MIER1: variants seen among roughly 807,000 people sequenced by gnomAD.
The protein encoded by MIER1 is MIER1 transcriptional regulator.
MIER1 carries 40 observed loss-of-function variants against 75.7 expected under a neutral mutation model. The ratio of observed to expected loss-of-function variants is 0.53; its 90% CI spans 0.41 to 0.69. The LOEUF is 0.69. Among genes scored for constraint, MIER1 ranks in the 30% least tolerant of loss-of-function variants. The pLI, the probability that MIER1 is intolerant of heterozygous loss-of-function variation, is 0.00. For missense variants in MIER1, 574 were observed against 680.2 expected (o/e 0.84, Z 1.74); for synonymous variants, 213 against 223.4 (o/e 0.95, Z 0.42).
intron 2 of MIER1, among the ~76,000 whole-genome samples, chr1:66,935,942 T>C (rs1654708844): frequency 7.2e-6 from 1 of 138,660 alleles, no homozygotes; most frequent in African/African-American, 2.6e-5. Flanking sequence ...ATGCATGGAC[T>C]TTAAATGTTT....
chr1:66,928,842 A>C, intron 2 of MIER1: 1 of 1,272,856 alleles, frequency 7.9e-7, no homozygotes, highest in South Asian at 1.3e-5. Context: ...AGATTTGGGA[A>C]CCTTAAAGTT....
intron 3 of MIER1, among the ~76,000 whole-genome samples, chr1:66,945,333 G>T (rs1281618146): frequency 2.2e-5 from 3 of 138,740 alleles, no homozygotes; most frequent in East Asian, 2.2e-4. Flanking sequence ...CCTAATATAG[G>T]TAAATGCTAT....
intron 5 of MIER1, 118 bp from the exon 6 acceptor site, chr1:66,958,733 C>T: frequency 2.8e-6 from 2 of 719,254 alleles, no homozygotes; most frequent in East Asian, 2.7e-5. Context: ...GATGATACTA[C>T]ATCTAGTATA....
chr1:66,967,321 T>C (rs1662629348), intron 8 of MIER1, among the ~76,000 whole-genome samples: 1 of 152,198 alleles, frequency 6.6e-6, no homozygotes. Context: ...TGTAGGTATG[T>C]GACTTGTTTC....
chr1:66,957,931 A>G lies in MIER1; in HGVS notation c.340-128A>G, dbSNP rs969202778. 6.3e-6 allele frequency: 3 copies of G among 475,556 alleles called. No homozygotes were observed. The Admixed American group carries it at 1.2e-4, about 19-fold the overall frequency. 29.5% of individuals were successfully genotyped at this position (475,556 alleles called of 1,614,324 possible). A position where few individuals can be genotyped will look rare whatever the true frequency, so the allele number is the denominator to read the frequency against. On this transcript the variant is annotated intron_variant, in intron 4 of 13. Coordinates refer to ENST00000401041, the MANE Select transcript of MIER1 (RefSeq NM_001077700.3). ...AATATTTTCAGTTTTACTTTTTATGATCCGAGAATTCGTAACACAGCTTTT... is the reference window on the plus strand; with the variant it reads ...AATATTTTCAGTTTTACTTTTTATGGTCCGAGAATTCGTAACACAGCTTTT...
At chr1:66,926,957 G>A (rs187242766) in intron 2 of MIER1, among the ~76,000 whole-genome samples, 2 of 152,202 alleles carry the variant, frequency 1.3e-5, no homozygotes, top group African/African-American at 2.4e-5. Flanking sequence ...TGAATCAGGT[G>A]TTGGTACTGA....
intron 4 of MIER1, among the ~76,000 whole-genome samples, chr1:66,955,212 A>G (rs971943190): frequency 6.6e-6 from 1 of 152,138 alleles, no homozygotes; most frequent in African/African-American, 2.4e-5. Context: ...AAGCTTTATT[A>G]AAGTTAATGT....
chr1:66,985,814 A>ATTTTTT lies in MIER1; in HGVS notation c.*932_*937dup. 6.4e-6 allele frequency: 4 copies of ATTTTTT among 629,864 alleles called. No individual in the cohort carries two copies. Among genetic ancestry groups the ATTTTTT allele is most frequent in the Non-Finnish European group, 7.7e-6 (4 of 517,358 alleles). The allele number at this position is 629,864 out of a possible 1,614,324, so 39.0% of individuals were successfully genotyped here. A position where few individuals can be genotyped will look rare whatever the true frequency, so the allele number is the denominator to read the frequency against. On this transcript the variant is annotated 3_prime_UTR_variant, in exon 14 of 14. Coordinates refer to ENST00000401041, the MANE Select transcript of MIER1 (RefSeq NM_001077700.3). ...TAAAGCATTCATAAAGGATTATAAA[A>ATTTTTT]TTTTTTTTTTTTTTTTTTTTTTTAA...
At chr1:66,984,549 C>T in intron 13 of MIER1, 23 bp from the exon 14 acceptor site, 2 of 1,515,710 alleles carry the variant, frequency 1.3e-6, no homozygotes, top group Non-Finnish European at 1.8e-6. Flanking sequence ...ATTGTGGTTT[C>T]ATTTATATTT....
chr1:66,963,124 C>A lies in MIER1; in HGVS notation c.736C>A (p.Pro246Thr). 6.2e-7 allele frequency: 1 copy of A among 1,611,912 alleles called. No individual in the cohort carries two copies. Among genetic ancestry groups the A allele is most frequent in the South Asian group, 1.1e-5 (1 of 90,952 alleles). ...MVGSMFQAEI[P>T]VGICRYKENE... ...GGGCTCCATGTTTCAAGCAGAAATTCCAGTTGGCATTTGTAGATACAAAGA... is the reference window on the plus strand; with the variant it reads ...GGGCTCCATGTTTCAAGCAGAAATTACAGTTGGCATTTGTAGATACAAAGA... Residue 246 changes from proline to threonine, a missense_variant, in exon 8 of 14, where the codon CCA becomes ACA. Transcript: ENST00000401041.
chr1:66,926,350 G>A, intron 2 of MIER1, 108 bp downstream of exon 2: 2 of 786,360 alleles, frequency 2.5e-6, no homozygotes, highest in Non-Finnish European at 4.1e-6. Context: ...AGAACTGATG[G>A]GCCAAAAATT....
At chr1:66,942,328 A>G (rs1403531016) in intron 3 of MIER1, among the ~76,000 whole-genome samples, 2 of 152,236 alleles carry the variant, frequency 1.3e-5, no homozygotes, top group Non-Finnish European at 2.9e-5. Flanking sequence ...AGTGTAAGAC[A>G]AAGTAGAGGC....
chr1:66,928,992 C>G (rs773504975), intron 2 of MIER1: 1 of 1,358,712 alleles, frequency 7.4e-7, no homozygotes, highest in Non-Finnish European at 1.0e-6. Flanking sequence ...GCAGCTACTT[C>G]ATATATCTGT....
At chr1:66,933,981 T>C (rs1046072204) in intron 2 of MIER1, among the ~76,000 whole-genome samples, 4 of 152,210 alleles carry the variant, frequency 2.6e-5, no homozygotes, top group African/African-American at 9.6e-5. Flanking sequence ...TCAAAATTCA[T>C]TGCAGTGATT....
In MIER1 at chr1:66,936,286, T is replaced by C. The variant is rs561350591; in HGVS notation, c.169-3742T>C. Among the ~76,000 whole-genome samples, 62 of 151,706 alleles carry C rather than the reference T, an allele frequency of 4.1e-4. 1 individual carries two copies. In the South Asian group the frequency reaches 0.012, roughly 29 times the overall value. ...TGCCCAGGCTGGAGTGCGGTGGCGC[T>C]TTCTGGGCTCACTGCAACCTCCGCC... On this transcript the variant is annotated intron_variant, in intron 2 of 13. Transcript: ENST00000401041.
At chr1:66,959,399 T>C (rs1660791276) in intron 6 of MIER1, among the ~76,000 whole-genome samples, 1 of 152,182 alleles carries the variant, frequency 6.6e-6, no homozygotes. Context: ...TCATGAAATA[T>C]GTAGTAAGAT....
intron 4 of MIER1, among the ~76,000 whole-genome samples, chr1:66,955,336 GTTTTTTTTT>G (rs34006160): frequency 1.3e-3 from 80 of 59,968 alleles, no homozygotes; most frequent in African/African-American, 4.2e-3. Context: ...CATCACCTGA[GTTTTTTTTT>G]TTTTTTTTTT....
chr1:66,977,989 G>A (rs999792714), intron 12 of MIER1, among the ~76,000 whole-genome samples: 3 of 151,958 alleles, frequency 2.0e-5, no homozygotes, highest in Admixed American at 1.3e-4. Flanking sequence ...ACAAGGTCAG[G>A]AGTTTGAGAC....
Position 66,986,370 on chromosome 1 carries a change from A to C in MIER1, c.*1470A>C. ...GACCAACCTATATCCAAACTTTTATAAAATATTAATTATTCTTGTTTTTCT... is the reference window on the plus strand; with the variant it reads ...GACCAACCTATATCCAAACTTTTATCAAATATTAATTATTCTTGTTTTTCT... On this transcript the variant is annotated 3_prime_UTR_variant, in exon 14 of 14. Transcript: ENST00000401041. 4 of 1,600,462 alleles carry C rather than the reference A, an allele frequency of 2.5e-6. No individual in the cohort carries two copies. Among genetic ancestry groups the C allele is most frequent in the Non-Finnish European group, 3.4e-6 (4 of 1,174,948 alleles).
Sources: gnomAD v4.1 joint callset for allele counts (sites outside exome capture counted in the v4.1 genomes callset) on GRCh38, gnomAD v4.1.1 for gene constraint, MANE v1.5 for transcripts, NCBI Gene and HGNC (gene_info 2026-07-23, HGNC 2026-07-21) for gene names.